The following KCNN2 variants were observed in gnomAD, a reference collection of about 807,000 sequenced individuals.
The protein encoded by KCNN2 is potassium calcium-activated channel subfamily N member 2.
In KCNN2, 24 loss-of-function variants were observed where a neutral mutation model predicts 55.5. The ratio of observed to expected loss-of-function variants is 0.43; its 90% CI spans 0.31 to 0.61. The LOEUF (loss-of-function observed/expected upper bound fraction) is 0.61, where lower values mean the gene tolerates loss of function less well. KCNN2 is among the 20% of genes least tolerant of loss of function. The pLI is 0.08. For synonymous variants in KCNN2, 431 were observed against 336.1 expected (o/e 1.28, Z -3.09); for missense variants, 754 against 853.6 (o/e 0.88, Z 1.45).
At chr5:114,063,916 C>G (rs1479722204) in intron 1 of KCNN2, among the ~76,000 whole-genome samples, 1 of 152,188 alleles carries the variant, frequency 6.6e-6, no homozygotes, top group Non-Finnish European at 1.5e-5. Context: ...ATTGAGCATA[C>G]TGTGAAATGA....
intron 1 of KCNN2, among the ~76,000 whole-genome samples, chr5:114,163,312 A>G (rs1452507531): frequency 6.6e-6 from 1 of 152,154 alleles, no homozygotes; most frequent in Non-Finnish European, 1.5e-5. Flanking sequence ...CCCTGGCCGG[A>G]ACTTCCAATA....
intron 1 of KCNN2, among the ~76,000 whole-genome samples, chr5:114,085,097 G>A (rs753108789): frequency 2.0e-5 from 3 of 151,440 alleles, no homozygotes; most frequent in Non-Finnish European, 3.0e-5. Context: ...AGCTAGTACC[G>A]TGCTGTCTTG....
chr5:114,482,288 TG>T (rs1233254180), intron 5 of KCNN2, among the ~76,000 whole-genome samples: 1 of 152,180 alleles, frequency 6.6e-6, no homozygotes, highest in Non-Finnish European at 1.5e-5. Flanking sequence ...TCACCATCAC[TG>T]GTCATTAGAG....
chr5:114,058,810 T>C (rs796067272), intron 1 of KCNN2, among the ~76,000 whole-genome samples: 14 of 152,186 alleles, frequency 9.2e-5, no homozygotes, highest in African/African-American at 3.1e-4. Context: ...TAAAAGACCA[T>C]TGTGGAGCTG....
In KCNN2 at chr5:114,228,839, T is replaced by C. The variant is rs554270970; in HGVS notation, c.-185+7274T>C. ...TTGTATCATGTTTTTCTTTTACACA[T>C]AAAATTTGTCATTTATATTTTCTCT... On this transcript the variant is annotated intron_variant, in intron 2 of 10. Transcript: ENST00000512097. 2.6e-5 allele frequency among the ~76,000 whole-genome samples: 4 copies of C among 152,190 alleles called. No homozygotes were observed. In the East Asian group the frequency reaches 5.8e-4, roughly 22 times the overall value.
chr5:114,245,268 TAG>T (rs1754727502), intron 2 of KCNN2, among the ~76,000 whole-genome samples: 1 of 152,146 alleles, frequency 6.6e-6, no homozygotes, highest in Non-Finnish European at 1.5e-5. Flanking sequence ...GTGAGAGAGG[TAG>T]AGAGGTATTT....
intron 3 of KCNN2, among the ~76,000 whole-genome samples, chr5:114,451,684 C>T (rs903291109): frequency 1.3e-5 from 2 of 152,036 alleles, no homozygotes; most frequent in South Asian, 2.1e-4. Context: ...ATTATGAGGT[C>T]AGGAGATCAA....
intron 2 of KCNN2, among the ~76,000 whole-genome samples, chr5:114,380,606 A>C (rs184686681): frequency 3.3e-5 from 5 of 152,344 alleles, no homozygotes; most frequent in Admixed American, 2.0e-4. Context: ...TACTTAGTCC[A>C]GTGCTAGACA....
intron 1 of KCNN2, among the ~76,000 whole-genome samples, chr5:114,143,886 A>G (rs1752341725): frequency 6.6e-6 from 1 of 152,218 alleles, no homozygotes; most frequent in African/African-American, 2.4e-5. Flanking sequence ...GGCACTGATC[A>G]TGATTGGACT....
At chr5:114,352,611 T>C (rs1430129587) in intron 2 of KCNN2, among the ~76,000 whole-genome samples, 1 of 151,744 alleles carries the variant, frequency 6.6e-6, no homozygotes, top group Non-Finnish European at 1.5e-5. Flanking sequence ...CTGTAGGTTT[T>C]TGCATGTTGT....
intron 1 of KCNN2, among the ~76,000 whole-genome samples, chr5:114,142,961 G>A (rs141683525): frequency 2.5e-3 from 384 of 152,200 alleles, no homozygotes; most frequent in African/African-American, 8.8e-3. Flanking sequence ...CCTGTATTGC[G>A]GGATCTGGCC....
At position 114,423,696 on chromosome 5, in the gene KCNN2, G is replaced by A. The variant is rs1759536224; in HGVS notation, c.1637+18840G>A. On this transcript the variant is annotated intron_variant, in intron 3 of 7. Transcript: ENST00000673685. ...CCTGTAGGAGCTTACAATATAATAG[G>A]TATATGCATGTGTAAACAAACTGTC... Among the ~76,000 whole-genome samples the A allele has an allele frequency of 2.0e-5, 3 of 152,120 alleles. No individual in the cohort carries two copies. In the South Asian group the frequency reaches 6.2e-4, roughly 32 times the overall value.
At chr5:114,275,266 G>A (rs1304699492) in intron 2 of KCNN2, among the ~76,000 whole-genome samples, 5 of 152,126 alleles carry the variant, frequency 3.3e-5, no homozygotes, top group South Asian at 2.1e-4. Flanking sequence ...TTACGTCGAT[G>A]TTCATCAGGG....
At chr5:114,372,470 T>A (rs950357363) in intron 2 of KCNN2, among the ~76,000 whole-genome samples, 8 of 152,194 alleles carry the variant, frequency 5.3e-5, no homozygotes, top group African/African-American at 1.9e-4. Context: ...TACTGCAGTG[T>A]CAGGATCTTT....
intron 2 of KCNN2, among the ~76,000 whole-genome samples, chr5:114,286,204 T>G (rs1007711270): frequency 1.1e-4 from 16 of 152,204 alleles, no homozygotes; most frequent in Admixed American, 1.0e-3. Flanking sequence ...TGGCTGGATT[T>G]AAGTTTGAAT....
chr5:114,246,696 TTTCAAATGAATAACACAATA>T (rs1260848897), intron 2 of KCNN2, among the ~76,000 whole-genome samples: 20 of 152,166 alleles, frequency 1.3e-4, no homozygotes, highest in Non-Finnish European at 2.5e-4. Context: ...GGTTTTTAAC[TTTCAAATGAATAACACAATA>T]TTCAAATGAA....
intron 1 of KCNN2, among the ~76,000 whole-genome samples, chr5:114,169,269 T>A (rs1752981405): frequency 6.6e-6 from 1 of 152,104 alleles, no homozygotes; most frequent in Non-Finnish European, 1.5e-5. Context: ...ACAATGTCAA[T>A]GTCAAATGGG....
chr5:114,240,189 A>G (rs1056097346), intron 2 of KCNN2, among the ~76,000 whole-genome samples: 1 of 152,026 alleles, frequency 6.6e-6, no homozygotes, highest in East Asian at 1.9e-4. Flanking sequence ...TACTCAGTTT[A>G]CATGGTTTAA....
intron 2 of KCNN2, among the ~76,000 whole-genome samples, chr5:114,222,837 G>C (rs1309690466): frequency 6.6e-6 from 1 of 152,152 alleles, no homozygotes; most frequent in Non-Finnish European, 1.5e-5. Flanking sequence ...TGTGTATGCT[G>C]TGTTACCTTT....
Sources: gnomAD v4.1 joint callset for allele counts (sites outside exome capture counted in the v4.1 genomes callset) on GRCh38, gnomAD v4.1.1 for gene constraint, MANE v1.5 for transcripts, NCBI Gene and HGNC (gene_info 2026-07-23, HGNC 2026-07-21) for gene names.